ZFP36: variants seen among roughly 807,000 people sequenced by gnomAD.
ZFP36 encodes ZFP36 zinc finger CCCH-type, also known as mRNA decay activator protein ZFP36.
A neutral mutation model predicts 19.8 loss-of-function variants in ZFP36; 13 were observed. The ratio of observed to expected loss-of-function variants is 0.66; its 90% CI spans 0.43 to 1.04. The LOEUF (loss-of-function observed/expected upper bound fraction) is 1.04, where lower values mean the gene tolerates loss of function less well. Among genes scored for constraint, ZFP36 ranks in the 50% least tolerant of loss-of-function variants. The pLI, the probability that ZFP36 is intolerant of heterozygous loss-of-function variation, is 0.00. For synonymous variants in ZFP36, 191 were observed against 194.5 expected (o/e 0.98, Z 0.15); for missense variants, 354 against 441.6 (o/e 0.80, Z 1.78).
Position 39,407,814 on chromosome 19 carries a change from G to A in ZFP36, c.96G>A (p.Trp32Ter). The change falls in exon 2 of 2, where the codon TGG (tryptophan) becomes TGA (stop). Residue 32 changes from tryptophan to a stop codon, truncating the protein, a stop_gained. Transcript: ENST00000597629. LOFTEE classifies it high-confidence loss of function. The surrounding 1 kb of genome is among the most constrained non-coding windows in gnomAD (Gnocchi z 7.6). Reference sequence around the variant, plus strand: ...GAGGGACTGAGTCCAGCCCAGGCTGGGGCTCCTCGGGACCCTGGAGCCTGA... The same window carrying A: ...GAGGGACTGAGTCCAGCCCAGGCTGAGGCTCCTCGGGACCCTGGAGCCTGA... ...DHGGTESSPG[W>*]GSSGPWSLSP... 6.2e-7 allele frequency: 1 copy of A among 1,600,328 alleles called. No homozygotes were observed. Among genetic ancestry groups the A allele is most frequent in the Non-Finnish European group, 8.5e-7 (1 of 1,175,468 alleles).
rs552419216 is a variant in ZFP36 at position 39,408,717 on chromosome 19, C to CACTG, written c.*19_*20insCTGA. On this transcript the variant is annotated 3_prime_UTR_variant, in exon 2 of 2. Coordinates refer to ENST00000597629, the MANE Select transcript of ZFP36 (RefSeq NM_003407.5). The surrounding 1 kb of genome is among the most constrained non-coding windows in gnomAD (Gnocchi z 6.0). ...CTGAGTGACAAAGTGACTGCCCGGT[C>CACTG]AGATCAGCTGGATCTCAGCGGGGAG... 86 of 1,544,184 alleles carry CACTG rather than the reference C, an allele frequency of 5.6e-5. No individual in the cohort carries two copies. In the African/African-American group the frequency reaches 1.1e-3, roughly 20 times the overall value.
Position 39,408,155 on chromosome 19 carries a change from T to C in ZFP36, c.437T>C (p.Leu146Pro), listed in dbSNP as rs2078487203. 2 of 1,613,790 alleles carry C rather than the reference T, an allele frequency of 1.2e-6. No individual in the cohort carries two copies. The highest frequency in any genetic ancestry group is 1.7e-6 in the Non-Finnish European group (2 of 1,180,014). ...ANRHPKYKTE[L>P]CHKFYLQGRC... is the part of the protein sequence containing the mutation. ...CGCCACCCCAAATACAAGACGGAAC[T>C]CTGTCACAAGTTCTACCTCCAGGGC... Residue 146 changes from leucine (L) to proline (P), a missense_variant, in exon 2 of 2, where the codon CTC (leucine) becomes CCC (proline). Leu to Pro is a moderately conservative substitution (Grantham distance 98). Coordinates refer to ENST00000597629, the MANE Select transcript of ZFP36 (RefSeq NM_003407.5). This position sits in a 1 kb window ranked among gnomAD's most constrained non-coding sequence, Gnocchi z 6.0.
In ZFP36 at chr19:39,408,140, A is replaced by G. The variant is rs779780676; in HGVS notation, c.422A>G (p.Lys141Arg). 1.2e-5 allele frequency: 20 copies of G among 1,613,786 alleles called. No individual in the cohort carries two copies. Among genetic ancestry groups the G allele is most frequent in the Admixed American group, 1.7e-5 (1 of 60,002 alleles). Residue 141 changes from lysine (K) to arginine (R), a missense_variant, in exon 2 of 2, where the codon AAA becomes AGA. Coordinates refer to ENST00000597629, the MANE Select transcript of ZFP36 (RefSeq NM_003407.5). This position sits in a 1 kb window ranked among gnomAD's most constrained non-coding sequence, Gnocchi z 6.0. ...CTGCGCCAGGCCAATCGCCACCCCA[A>G]ATACAAGACGGAACTCTGTCACAAG... ...GELRQANRHP[K>R]YKTELCHKFY...
In ZFP36 at chr19:39,408,795, G is replaced by A; in HGVS notation, c.*96G>A. 1.6e-6 allele frequency: 2 copies of A among 1,239,818 alleles called. No individual in the cohort carries two copies. The highest frequency in any genetic ancestry group is 2.5e-5 in the Admixed American group (1 of 40,176). The allele number at this position is 1,239,818 out of a possible 1,614,324, so 76.8% of individuals were successfully genotyped here. On this transcript the variant is annotated 3_prime_UTR_variant, in exon 2 of 2. Transcript: ENST00000597629. The surrounding 1 kb of genome is among the most constrained non-coding windows in gnomAD (Gnocchi z 6.0). ...ATGGACCCCAGGGCTGTGGGGACTTGGGGGACAGTAATCAAGTAATCCCCT... is the reference window on the plus strand; with the variant it reads ...ATGGACCCCAGGGCTGTGGGGACTTAGGGGACAGTAATCAAGTAATCCCCT...
Position 39,408,747 on chromosome 19 carries a change from G to A in ZFP36, c.*48G>A, listed in dbSNP as rs1651890774. ...CAGCTGGATCTCAGCGGGGAGCCAC[G>A]TCTCTTGCACTGTGGTCTCTGCATG... On this transcript the variant is annotated 3_prime_UTR_variant, in exon 2 of 2. Transcript: ENST00000597629. The surrounding 1 kb of genome is among the most constrained non-coding windows in gnomAD (Gnocchi z 6.0). 1 of 1,509,442 alleles carries A rather than the reference G, an allele frequency of 6.6e-7. No homozygotes were observed. The highest frequency in any genetic ancestry group is 2.1e-5 in the Admixed American group (1 of 47,410). The allele number at this position is 1,509,442 out of a possible 1,614,324, so 93.5% of individuals were successfully genotyped here.
rs17878633 is a variant in ZFP36, at chr19:39,407,827, C to T, written c.109C>T (p.Pro37Ser). ...CAGCCCAGGCTGGGGCTCCTCGGGA[C>T]CCTGGAGCCTGAGCCCCTCCGACTC... is the stretch of plus-strand genomic sequence containing the variant. ...ESSPGWGSSGPWSLSPSDSSP... is the reference protein window; with the variant it reads ...ESSPGWGSSGSWSLSPSDSSP... Residue 37 changes from proline (P) to serine (S), a missense_variant, in exon 2 of 2, where the codon CCC (proline) becomes TCC (serine). Transcript: ENST00000597629. The surrounding 1 kb of genome is among the most constrained non-coding windows in gnomAD (Gnocchi z 7.6). The T allele has an allele frequency of 1.7e-3, 2,773 of 1,605,664 alleles. 40 individuals carry two copies. In the African/African-American group the frequency reaches 0.031, roughly 18 times the overall value.
rs1478238646 is a variant in ZFP36 at position 39,408,874 on chromosome 19, A to G, written c.*175A>G. On this transcript the variant is annotated 3_prime_UTR_variant, in exon 2 of 2. Transcript: ENST00000597629. The surrounding 1 kb of genome is among the most constrained non-coding windows in gnomAD (Gnocchi z 6.0). ...GACCTCACGCTGGGGCAGGTCCCCA[A>G]GTGTGCAAGCTCAGTATTCATGATG... is the stretch of plus-strand genomic sequence containing the variant. 1.8e-6 allele frequency: 1 copy of G among 561,414 alleles called. No homozygotes were observed. The highest frequency in any genetic ancestry group is 3.0e-6 in the Non-Finnish European group (1 of 338,398). 34.8% of individuals were successfully genotyped at this position (561,414 alleles called of 1,614,324 possible).
In ZFP36 at chr19:39,407,243, C is replaced by A. The variant is rs868224296; in HGVS notation, c.24+315C>A. On this transcript the variant is annotated intron_variant, in intron 1 of 1. Transcript: ENST00000597629. This position sits in a 1 kb window ranked among gnomAD's most constrained non-coding sequence, Gnocchi z 7.6. ...GAAGTGGCCCCCATACCTGGCTCAC[C>A]CCTAGTCGTTGCTGAGGGCGTGGTT... The A allele has an allele frequency of 2.1e-5, 11 of 517,470 alleles. No individual in the cohort carries two copies. In the Middle Eastern group the frequency reaches 3.0e-3, roughly 140 times the overall value. 32.1% of individuals were successfully genotyped at this position (517,470 alleles called of 1,614,324 possible).
Position 39,407,667 on chromosome 19 carries a change from C to A in ZFP36, c.25-76C>A. 7.2e-7 allele frequency: 1 copy of A among 1,379,346 alleles called. No individual in the cohort carries two copies. The highest frequency in any genetic ancestry group is 9.7e-7 in the Non-Finnish European group (1 of 1,035,898). 85.4% of individuals were successfully genotyped at this position (1,379,346 alleles called of 1,614,324 possible). A position where few individuals can be genotyped will look rare whatever the true frequency, so the allele number is the denominator to read the frequency against. ...GCGGGGAGCCCACAAACCGGCCTGG[C>A]AAGCTCTAGTTCCCTGCAGCTGGGG... On this transcript the variant is annotated intron_variant, in intron 1 of 1. Transcript: ENST00000597629. This position sits in a 1 kb window ranked among gnomAD's most constrained non-coding sequence, Gnocchi z 7.6.
rs902312665 is a variant in ZFP36, at chr19:39,407,699, G to A, written c.25-44G>A. On this transcript the variant is annotated intron_variant, in intron 1 of 1. Coordinates refer to ENST00000597629, the MANE Select transcript of ZFP36 (RefSeq NM_003407.5). The surrounding 1 kb of genome is among the most constrained non-coding windows in gnomAD (Gnocchi z 7.6). ...TAGTTCCCTGCAGCTGGGGTGGGGC[G>A]TCGCCCTGCATTTTCAGGTGCCTTA... The A allele has an allele frequency of 4.0e-6, 6 of 1,483,064 alleles. No homozygotes were observed. Among genetic ancestry groups the A allele is most frequent in the Middle Eastern group, 2.5e-4 (1 of 3,938 alleles). 91.9% of individuals were successfully genotyped at this position (1,483,064 alleles called of 1,614,324 possible).
In ZFP36 at chr19:39,407,908, G is replaced by A; in HGVS notation, c.190G>A (p.Gly64Ser). ...LPGRSTSLVE[G>S]RSCGWVPPPP... ...TGGCCGCTCCACCAGCCTAGTGGAGGGCCGCAGCTGTGGCTGGGTGCCCCC... is the reference window on the plus strand; with the variant it reads ...TGGCCGCTCCACCAGCCTAGTGGAGAGCCGCAGCTGTGGCTGGGTGCCCCC... Residue 64 changes from glycine (G) to serine (S), a missense_variant, in exon 2 of 2, where the codon GGC (glycine) becomes AGC (serine). Coordinates refer to ENST00000597629, the MANE Select transcript of ZFP36 (RefSeq NM_003407.5). This position sits in a 1 kb window ranked among gnomAD's most constrained non-coding sequence, Gnocchi z 7.6. The A allele has an allele frequency of 1.2e-6, 2 of 1,600,588 alleles. No homozygotes were observed. The highest frequency in any genetic ancestry group is 1.7e-4 in the Middle Eastern group (1 of 6,044).
At position 39,407,236 on chromosome 19, in the gene ZFP36, G is replaced by A. The variant is rs992390021; in HGVS notation, c.24+308G>A. Reference sequence around the variant, plus strand: ...GGAGGCGGAAGTGGCCCCCATACCTGGCTCACCCCTAGTCGTTGCTGAGGG... The same window carrying A: ...GGAGGCGGAAGTGGCCCCCATACCTAGCTCACCCCTAGTCGTTGCTGAGGG... On this transcript the variant is annotated intron_variant, in intron 1 of 1. Transcript: ENST00000597629. The surrounding 1 kb of genome is among the most constrained non-coding windows in gnomAD (Gnocchi z 7.6). 3.8e-6 allele frequency: 2 copies of A among 531,732 alleles called. No individual in the cohort carries two copies. The highest frequency in any genetic ancestry group is 2.0e-5 in the African/African-American group (1 of 50,304). The allele number at this position is 531,732 out of a possible 1,614,324, so 32.9% of individuals were successfully genotyped here. A position where few individuals can be genotyped will look rare whatever the true frequency, so the allele number is the denominator to read the frequency against.
At position 39,407,321 on chromosome 19, in the gene ZFP36, C is replaced by G. The variant is rs570331152; in HGVS notation, c.24+393C>G. Reference sequence around the variant, plus strand: ...GTCTCAGGGTGGGGGGATCCGACTTCTGTCTCTCCAGTCCCTGACCGTAGA... The same window carrying G: ...GTCTCAGGGTGGGGGGATCCGACTTGTGTCTCTCCAGTCCCTGACCGTAGA... On this transcript the variant is annotated intron_variant, in intron 1 of 1. Coordinates refer to ENST00000597629, the MANE Select transcript of ZFP36 (RefSeq NM_003407.5). This position sits in a 1 kb window ranked among gnomAD's most constrained non-coding sequence, Gnocchi z 7.6. 4 of 449,010 alleles carry G rather than the reference C, an allele frequency of 8.9e-6. No homozygotes were observed. In the South Asian group the frequency reaches 2.0e-4, roughly 22 times the overall value. 27.8% of individuals were successfully genotyped at this position (449,010 alleles called of 1,614,324 possible). A position where few individuals can be genotyped will look rare whatever the true frequency, so the allele number is the denominator to read the frequency against.
Position 39,408,496 on chromosome 19 carries a change from A to G in ZFP36, c.778A>G (p.Ser260Gly). The change falls in exon 2 of 2, where the codon AGC (serine) becomes GGC (glycine). Residue 260 changes from serine (S) to glycine (G), a missense_variant. Transcript: ENST00000597629. This position sits in a 1 kb window ranked among gnomAD's most constrained non-coding sequence, Gnocchi z 6.0. ...CPSCRRATPI[S>G]VWGPLGGLVR... is the part of the protein sequence containing the mutation. ...CTCCTGCCGAAGGGCCACTCCTATC[A>G]GCGTCTGGGGGCCCTTGGGTGGCCT... 2 of 1,605,120 alleles carry G rather than the reference A, an allele frequency of 1.2e-6. No individual in the cohort carries two copies. Among genetic ancestry groups the G allele is most frequent in the Non-Finnish European group, 1.7e-6 (2 of 1,175,046 alleles).
chr19:39,407,842 C>T lies in ZFP36; in HGVS notation c.124C>T (p.Pro42Ser), dbSNP rs769304941. The T allele has an allele frequency of 4.4e-6, 7 of 1,606,500 alleles. No homozygotes were observed. The highest frequency in any genetic ancestry group is 2.7e-5 in the African/African-American group (2 of 74,904). Residue 42 changes from proline (P) to serine (S), a missense_variant, in exon 2 of 2, where the codon CCC becomes TCC. Coordinates refer to ENST00000597629, the MANE Select transcript of ZFP36 (RefSeq NM_003407.5). The surrounding 1 kb of genome is among the most constrained non-coding windows in gnomAD (Gnocchi z 7.6). The part of the protein sequence containing the change: ...WGSSGPWSLS[P>S]SDSSPSGVTS... ...CTCCTCGGGACCCTGGAGCCTGAGC[C>T]CCTCCGACTCCAGCCCGTCTGGGGT...
Position 39,408,726 on chromosome 19 carries a change from T to G in ZFP36, c.*27T>G, listed in dbSNP as rs4458127. The stretch of plus-strand genomic sequence containing the variant: ...AAAGTGACTGCCCGGTCAGATCAGC[T>G]GGATCTCAGCGGGGAGCCACGTCTC... On this transcript the variant is annotated 3_prime_UTR_variant, in exon 2 of 2. Coordinates refer to ENST00000597629, the MANE Select transcript of ZFP36 (RefSeq NM_003407.5). This position sits in a 1 kb window ranked among gnomAD's most constrained non-coding sequence, Gnocchi z 6.0. 2 of 1,530,874 alleles carry G rather than the reference T, an allele frequency of 1.3e-6. No homozygotes were observed. The highest frequency in any genetic ancestry group is 2.5e-5 in the South Asian group (2 of 79,378). The allele number at this position is 1,530,874 out of a possible 1,614,324, so 94.8% of individuals were successfully genotyped here. A position where few individuals can be genotyped will look rare whatever the true frequency, so the allele number is the denominator to read the frequency against.
In ZFP36 at chr19:39,407,151, T is replaced by C. The variant is rs1325962363; in HGVS notation, c.24+223T>C. 7.2e-6 allele frequency: 4 copies of C among 556,520 alleles called. No homozygotes were observed. Among genetic ancestry groups the C allele is most frequent in the Non-Finnish European group, 1.2e-5 (4 of 320,292 alleles). 34.5% of individuals were successfully genotyped at this position (556,520 alleles called of 1,614,324 possible). The stretch of plus-strand genomic sequence containing the variant: ...CGACACCCGGCTCTTCGCTCAAACA[T>C]GGGTGGGGCGGCCCATGCAAGTGGA... On this transcript the variant is annotated intron_variant, in intron 1 of 1. Coordinates refer to ENST00000597629, the MANE Select transcript of ZFP36 (RefSeq NM_003407.5). The surrounding 1 kb of genome is among the most constrained non-coding windows in gnomAD (Gnocchi z 7.6).
rs930790209 is a variant in ZFP36, at chr19:39,407,181, C to T, written c.24+253C>T. The T allele has an allele frequency of 5.6e-6, 3 of 536,434 alleles. No individual in the cohort carries two copies. The highest frequency in any genetic ancestry group is 2.0e-5 in the African/African-American group (1 of 50,114). 33.2% of individuals were successfully genotyped at this position (536,434 alleles called of 1,614,324 possible). A position where few individuals can be genotyped will look rare whatever the true frequency, so the allele number is the denominator to read the frequency against. ...GGGGCGGCCCATGCAAGTGGAAAGT[C>T]GGAGAACTTTTCTCAGACCGAGGCT... On this transcript the variant is annotated intron_variant, in intron 1 of 1. Coordinates refer to ENST00000597629, the MANE Select transcript of ZFP36 (RefSeq NM_003407.5). This position sits in a 1 kb window ranked among gnomAD's most constrained non-coding sequence, Gnocchi z 7.6.
Position 39,407,946 on chromosome 19 carries a change from C to G in ZFP36, c.228C>G (p.Phe76Leu), listed in dbSNP as rs1361442372. The change falls in exon 2 of 2, where the codon TTC (phenylalanine) becomes TTG (leucine). Residue 76 changes from phenylalanine (F) to leucine (L), a missense_variant. Transcript: ENST00000597629. The surrounding 1 kb of genome is among the most constrained non-coding windows in gnomAD (Gnocchi z 7.6). ...SCGWVPPPPG[F>L]APLAPRLGPE... ...GCTGGGTGCCCCCACCCCCTGGCTT[C>G]GCACCGCTGGCTCCCCGCCTGGGCC... The G allele has an allele frequency of 1.3e-6, 2 of 1,597,690 alleles. No homozygotes were observed. The highest frequency in any genetic ancestry group is 1.7e-6 in the Non-Finnish European group (2 of 1,175,208).
Sources: gnomAD v4.1 joint callset for allele counts on GRCh38, gnomAD v4.1.1 for gene constraint, Gnocchi (gnomAD v3.1) non-coding constraint, MANE v1.5 for transcripts, NCBI Gene and HGNC (gene_info 2026-07-23, HGNC 2026-07-21) for gene names.